Variants in PRSS33 observed in about 807,000 individuals in gnomAD.
PRSS33 encodes serine protease 33, also known as protease, serine 33.
PRSS33 carries 32 observed loss-of-function variants against 26.7 expected under a neutral mutation model. The ratio of observed to expected loss-of-function variants is 1.20; its 90% CI spans 0.90 to 1.61. PRSS33 has a LOEUF of 1.61. Among genes scored for constraint, PRSS33 ranks in the 40% most tolerant of loss-of-function variants. PRSS33 has a pLI of 0.00. For missense variants in PRSS33, 450 were observed against 396.3 expected, an observed-to-expected ratio of 1.14 and a Z score of -1.15; for synonymous variants, 192 against 177.6, an observed-to-expected ratio of 1.08 and a Z score of -0.64.
intron 4 of PRSS33, 29 bp downstream of exon 4, chr16:2,785,770 C>A: frequency 6.4e-7 from 1 of 1,557,316 alleles, no homozygotes; most frequent in Non-Finnish European, 8.6e-7. Context: ...TCCTTGCACA[C>A]CCCGCCTGGG....
At chr16:2,787,017 C>T (rs1172330949) in intron 1 of PRSS33, among the ~76,000 whole-genome samples, 2 of 74,040 alleles carry the variant, frequency 2.7e-5, no homozygotes, top group East Asian at 4.3e-4. Context: ...TCACCCCCTC[C>T]CTCATCCTCA....
chr16:2,786,780 CACCCACCA>C (rs1193854053), intron 1 of PRSS33, 176 bp from the exon 2 acceptor site: 1 of 492,050 alleles, frequency 2.0e-6, no homozygotes, highest in Non-Finnish European at 3.6e-6. Context: ...AGGTATGCAG[CACCCACCA>C]CCCAGATATT....
Position 2,784,400 on chromosome 16 carries a change from T to A in PRSS33, c.*244A>T. 1 of 377,852 alleles carries A rather than the reference T, an allele frequency of 2.6e-6. No individual in the cohort carries two copies. Among genetic ancestry groups the A allele is most frequent in the Non-Finnish European group, 4.8e-6 (1 of 208,386 alleles). 23.4% of individuals were successfully genotyped at this position (377,852 alleles called of 1,614,324 possible). ...AAGTAAATACAAGCCAGGAAGGGAGTGGGGAGTGTGACTCCCTGGGACTCA... is the reference window on the plus strand; with the variant it reads ...AAGTAAATACAAGCCAGGAAGGGAGAGGGGAGTGTGACTCCCTGGGACTCA... On this transcript the variant is annotated 3_prime_UTR_variant, in exon 7 of 7. Coordinates refer to ENST00000682474, the MANE Select transcript of PRSS33 (RefSeq NM_152891.3).
Position 2,784,341 on chromosome 16 carries a change from G to A in PRSS33, c.*303C>T, listed in dbSNP as rs902758562. The A allele has an allele frequency of 3.8e-5, 10 of 264,906 alleles. No homozygotes were observed. The highest frequency in any genetic ancestry group is 2.2e-5 in the African/African-American group (1 of 45,306). 16.4% of individuals were successfully genotyped at this position (264,906 alleles called of 1,614,324 possible). A position where few individuals can be genotyped will look rare whatever the true frequency, so the allele number is the denominator to read the frequency against. ...CAGCAATTGGTTTGCCCATCACTGC[G>A]TGCCTTGCGCCCAGCCCTGGCCAGG... is the stretch of plus-strand genomic sequence containing the variant. On this transcript the variant is annotated 3_prime_UTR_variant, in exon 7 of 7. Coordinates refer to ENST00000682474, the MANE Select transcript of PRSS33 (RefSeq NM_152891.3).
chr16:2,785,398 C>T lies in PRSS33; in HGVS notation c.491G>A (p.Gly164Asp). The T allele has an allele frequency of 7.0e-7, 1 of 1,433,324 alleles. No individual in the cohort carries two copies. Among genetic ancestry groups the T allele is most frequent in the South Asian group, 1.5e-5 (1 of 67,420 alleles). The allele number at this position is 1,433,324 out of a possible 1,614,324, so 88.8% of individuals were successfully genotyped here. A position where few individuals can be genotyped will look rare whatever the true frequency, so the allele number is the denominator to read the frequency against. The change falls in exon 5 of 7, where the codon GGC becomes GAC. Residue 164 changes from glycine to aspartate, a missense_variant. Physicochemically the swap from Gly to Asp is moderately conservative, Grantham distance 94. Coordinates refer to ENST00000682474, the MANE Select transcript of PRSS33 (RefSeq NM_152891.3). ...ACCTCCTGGGCGGAGGCTGCCCCAG[C>T]CGGTGACCCGGCATGGTGTGCCGGG... ...PPPGTPCRVT[G>D]WGSLRPGVPL...
In PRSS33 at chr16:2,785,259, T is replaced by C. The variant is rs545476745; in HGVS notation, c.515-88A>G. Reference sequence around the variant, plus strand: ...AGCTCTGAGTGAGAGGAGGTTTTGTTCCCTAGAAGCCGCGCTGGGTCCTGG... The same window carrying C: ...AGCTCTGAGTGAGAGGAGGTTTTGTCCCCTAGAAGCCGCGCTGGGTCCTGG... On this transcript the variant is annotated intron_variant, in intron 5 of 6. Transcript: ENST00000682474. 108 of 1,446,124 alleles carry C rather than the reference T, an allele frequency of 7.5e-5. No homozygotes were observed. The African/African-American group carries it at 1.4e-3, about 19-fold the overall frequency. 89.6% of individuals were successfully genotyped at this position (1,446,124 alleles called of 1,614,324 possible). A position where few individuals can be genotyped will look rare whatever the true frequency, so the allele number is the denominator to read the frequency against.
At position 2,785,793 on chromosome 16, in the gene PRSS33, G is replaced by A. The variant is rs1372466392; in HGVS notation, c.242+6C>T. On this transcript the variant is annotated splice_donor_region_variant and intron_variant, in intron 4 of 6. Coordinates refer to ENST00000682474, the MANE Select transcript of PRSS33 (RefSeq NM_152891.3). ...CACCCCGCCTGGGCCCTCGGTGAGC[G>A]CTGACCTGGGGAAGCAGTGCGCCGC... 3 of 1,589,888 alleles carry A rather than the reference G, an allele frequency of 1.9e-6. No individual in the cohort carries two copies. The highest frequency in any genetic ancestry group is 1.7e-5 in the Admixed American group (1 of 57,614).
chr16:2,784,792 C>A lies in PRSS33; in HGVS notation c.695G>T (p.Gly232Val). ...GHKDACQGDS[G>V]GPLTCLQSGS... ...AGACTGCAGGCAGGTCAGAGGTCCC[C>A]CAGAATCACCCTGCAGGAGAAAGAG... The change falls in exon 7 of 7, where the codon GGG becomes GTG. Residue 232 changes from glycine (G) to valine (V), a missense_variant. By Grantham distance (109) the Gly-to-Val change is moderately radical. Transcript: ENST00000682474. The A allele has an allele frequency of 6.2e-7, 1 of 1,606,608 alleles. No individual in the cohort carries two copies. The highest frequency in any genetic ancestry group is 8.5e-7 in the Non-Finnish European group (1 of 1,176,678).
intron 1 of PRSS33, 178 bp from the exon 2 acceptor site, chr16:2,786,782 C>A: frequency 2.0e-6 from 1 of 487,970 alleles, no homozygotes; most frequent in East Asian, 3.5e-5. Flanking sequence ...GTATGCAGCA[C>A]CCACCACCCA....
intron 1 of PRSS33, among the ~76,000 whole-genome samples, 46 bp downstream of exon 1, chr16:2,787,487 C>G (rs2068891911): frequency 6.9e-6 from 1 of 145,226 alleles, no homozygotes; most frequent in Non-Finnish European, 1.5e-5. Flanking sequence ...TCATCCTCAC[C>G]CACTGGCTGC....
chr16:2,785,312 C>G, intron 5 of PRSS33, 63 bp downstream of exon 5: 1 of 1,459,096 alleles, frequency 6.9e-7, no homozygotes, highest in Non-Finnish European at 9.0e-7. Context: ...CTGGGATTTC[C>G]AGTCAGATGG....
intron 1 of PRSS33, 145 bp from the exon 2 acceptor site, chr16:2,786,749 C>T (rs986755112): frequency 4.6e-5 from 27 of 590,434 alleles, no homozygotes; most frequent in Non-Finnish European, 7.4e-5. Context: ...GGCTGTATAC[C>T]CTTCGTTCTG....
Position 2,785,577 on chromosome 16 carries a change from C to T in PRSS33, c.312G>A (p.Thr104=). 1 of 1,525,308 alleles carries T rather than the reference C, an allele frequency of 6.6e-7. No homozygotes were observed. The highest frequency in any genetic ancestry group is 8.7e-7 in the Non-Finnish European group (1 of 1,143,330). The allele number at this position is 1,525,308 out of a possible 1,614,324, so 94.5% of individuals were successfully genotyped here. Residue 104 remains threonine (T), a synonymous_variant, in exon 5 of 7, where the codon ACG becomes ACA. Transcript: ENST00000682474. ...ALRLGSTSPR[T]LSVPVRRVLL... ...GCACCCGTCGCACGGGCACCGAGAG[C>T]GTGCGGGGCGAGGTGGAGCCCAGAC...
chr16:2,786,174 G>C, intron 2 of PRSS33, 53 bp from the exon 3 acceptor site: 1 of 1,482,604 alleles, frequency 6.7e-7, no homozygotes, highest in East Asian at 2.3e-5. Flanking sequence ...GTCAAATAAC[G>C]GAGTTGGAGG....
In PRSS33 at chr16:2,785,023, C is replaced by T; in HGVS notation, c.663G>A (p.Gln221=). Reference sequence around the variant, plus strand: ...ACACCTGGCAGGCGTCCTTGTGGCCCTGGGGGTAGCCGGCACACAGACTCC... The same window carrying T: ...ACACCTGGCAGGCGTCCTTGTGGCCTTGGGGGTAGCCGGCACACAGACTCC... ...LPGSLCAGYP[Q]GHKDACQGDS... The change falls in exon 6 of 7, where the codon CAG becomes CAA. Residue 221 remains glutamine, a synonymous_variant. Transcript: ENST00000682474. 6.3e-7 allele frequency: 1 copy of T among 1,595,330 alleles called. No homozygotes were observed. The highest frequency in any genetic ancestry group is 8.5e-7 in the Non-Finnish European group (1 of 1,173,468).
chr16:2,785,331 G>T, intron 5 of PRSS33, 44 bp downstream of exon 5: 1 of 1,457,856 alleles, frequency 6.9e-7, no homozygotes, highest in Non-Finnish European at 9.0e-7. Context: ...GGAGGAGGAC[G>T]TGGGGGCTCC....
At chr16:2,786,055 G>A (rs763526155) in intron 3 of PRSS33, 34 bp downstream of exon 3, 1 of 1,612,942 alleles carries the variant, frequency 6.2e-7, no homozygotes, top group East Asian at 2.2e-5. Flanking sequence ...GGTCCAGGAG[G>A]GGCTGACTCG....
rs1211603361 is a variant in PRSS33 at position 2,784,322 on chromosome 16, T to C, written c.*322A>G. ...GGCACACAGGCCAGATGGGCAGCAA[T>C]TGGTTTGCCCATCACTGCGTGCCTT... is the stretch of plus-strand genomic sequence containing the variant. On this transcript the variant is annotated 3_prime_UTR_variant, in exon 7 of 7. Coordinates refer to ENST00000682474, the MANE Select transcript of PRSS33 (RefSeq NM_152891.3). 2.6e-5 allele frequency: 5 copies of C among 196,010 alleles called. No individual in the cohort carries two copies. Among genetic ancestry groups the C allele is most frequent in the South Asian group, 1.3e-4 (1 of 7,468 alleles). 12.1% of individuals were successfully genotyped at this position (196,010 alleles called of 1,614,324 possible).
chr16:2,784,433 T>G lies in PRSS33; in HGVS notation c.*211A>C. 1 of 472,092 alleles carries G rather than the reference T, an allele frequency of 2.1e-6. No homozygotes were observed. The highest frequency in any genetic ancestry group is 3.7e-5 in the East Asian group (1 of 27,158). 29.2% of individuals were successfully genotyped at this position (472,092 alleles called of 1,614,324 possible). ...GTGACTCCCTGGGACTCATGGCAGATTCCTGGATGAGGGTTGGTGGAGTCA... is the reference window on the plus strand; with the variant it reads ...GTGACTCCCTGGGACTCATGGCAGAGTCCTGGATGAGGGTTGGTGGAGTCA... On this transcript the variant is annotated 3_prime_UTR_variant, in exon 7 of 7. Coordinates refer to ENST00000682474, the MANE Select transcript of PRSS33 (RefSeq NM_152891.3).
Sources: allele counts gnomAD v4.1 joint callset (sites outside exome capture counted in the v4.1 genomes callset), GRCh38; gene constraint gnomAD v4.1.1; transcripts MANE v1.5; gene names NCBI Gene and HGNC (gene_info 2026-07-23, HGNC 2026-07-21).